DCC: variants seen among roughly 807,000 people sequenced by gnomAD.
DCC encodes netrin receptor DCC.
Under a neutral mutation model 172.5 loss-of-function variants are expected in DCC, and 58 were observed. That is an observed-to-expected ratio of 0.34 (90% confidence interval 0.27 to 0.42). The LOEUF is 0.42. Among genes scored for constraint, DCC ranks in the 10% least tolerant of loss-of-function variants. The pLI is 1.00. For synonymous variants in DCC, 709 were observed against 644.5 expected (o/e 1.10, Z -1.52); for missense variants, 1,740 against 1,791.0 (o/e 0.97, Z 0.51).
intron 5 of DCC, among the ~76,000 whole-genome samples, chr18:53,007,062 T>C (rs758313912): frequency 9.9e-5 from 15 of 152,084 alleles, no homozygotes; most frequent in African/African-American, 3.1e-4. Context: ...AAAAAACAAA[T>C]GAACAAACAA....
chr18:52,916,392 T>A (rs2040041429), intron 3 of DCC, among the ~76,000 whole-genome samples: 1 of 152,226 alleles, frequency 6.6e-6, no homozygotes, highest in African/African-American at 2.4e-5. Context: ...GTTAGAAATT[T>A]GCAAAACATG....
intron 27 of DCC, among the ~76,000 whole-genome samples, chr18:53,502,508 T>C (rs976446890): frequency 6.6e-6 from 1 of 152,220 alleles, no homozygotes; most frequent in Non-Finnish European, 1.5e-5. Flanking sequence ...ACTACATGCT[T>C]CTTAGACTTA....
intron 12 of DCC, among the ~76,000 whole-genome samples, chr18:53,304,600 A>G (rs547674341): frequency 7.8e-4 from 119 of 152,182 alleles, no homozygotes; most frequent in African/African-American, 2.7e-3. Flanking sequence ...AAAGCTACCA[A>G]CACCTCCAAG....
chr18:52,755,728 C>CA (rs1237681538), intron 2 of DCC, among the ~76,000 whole-genome samples: 3 of 151,954 alleles, frequency 2.0e-5, no homozygotes, highest in African/African-American at 7.3e-5. Flanking sequence ...AAAACAACAA[C>CA]AACAAAAAAA....
chr18:53,151,027 A>T (rs1568333156), intron 7 of DCC, among the ~76,000 whole-genome samples: 1 of 152,206 alleles, frequency 6.6e-6, no homozygotes, highest in Non-Finnish European at 1.5e-5. Context: ...AGGGGGTATG[A>T]CCAAGCTGGT....
chr18:52,588,682 A>G (rs142738912), intron 1 of DCC, among the ~76,000 whole-genome samples: 1,676 of 152,230 alleles, frequency 0.011, 29 homozygotes, highest in African/African-American at 0.038. Context: ...GTTTTGGGGG[A>G]GAAAAGATGC....
At chr18:53,036,690 T>C (rs969353922) in intron 5 of DCC, among the ~76,000 whole-genome samples, 3 of 152,052 alleles carry the variant, frequency 2.0e-5, no homozygotes, top group Non-Finnish European at 4.4e-5. Context: ...AGCTGAATGC[T>C]ATTCAATATG....
chr18:52,907,791 G>A (rs1310386129), intron 3 of DCC, among the ~76,000 whole-genome samples: 14 of 152,054 alleles, frequency 9.2e-5, no homozygotes, highest in Non-Finnish European at 1.8e-4. Flanking sequence ...CTAGGAATCC[G>A]GCAGTGGCAA....
intron 1 of DCC, among the ~76,000 whole-genome samples, chr18:52,442,818 C>T (rs187238788): frequency 1.3e-4 from 20 of 152,264 alleles, no homozygotes; most frequent in African/African-American, 4.6e-4. Context: ...AGAGCTCCGC[C>T]ATTACCTTGC....
chr18:52,427,823 C>CCTTTCTTT, intron 1 of DCC, among the ~76,000 whole-genome samples: 2 of 67,888 alleles, frequency 2.9e-5, no homozygotes, highest in East Asian at 2.4e-3. Flanking sequence ...TTTCTTCCTT[C>CCTTTCTTT]CTTCCTTCCT....
At chr18:53,074,548 C>A (rs1303627224) in intron 7 of DCC, among the ~76,000 whole-genome samples, 3 of 152,074 alleles carry the variant, frequency 2.0e-5, no homozygotes, top group South Asian at 2.1e-4. Flanking sequence ...TCTGATGGTA[C>A]ATTTATTCAA....
chr18:52,967,278 C>A (rs548845359), intron 5 of DCC, among the ~76,000 whole-genome samples: 29 of 152,254 alleles, frequency 1.9e-4, no homozygotes, highest in African/African-American at 6.7e-4. Context: ...TGGAGCAAAT[C>A]CAACCCAAAC....
At chr18:53,089,142 G>A (rs2042964970) in intron 7 of DCC, among the ~76,000 whole-genome samples, 1 of 152,136 alleles carries the variant, frequency 6.6e-6, no homozygotes, top group South Asian at 2.1e-4. Flanking sequence ...CTGGAGTGCA[G>A]TGGTGTGATC....
intron 1 of DCC, among the ~76,000 whole-genome samples, chr18:52,385,682 G>A (rs989526590): frequency 6.6e-6 from 1 of 151,922 alleles, no homozygotes; most frequent in Admixed American, 6.6e-5. Context: ...TATTTTTCAG[G>A]GAGGAATGTA....
At chr18:52,537,827 A>G (rs1203856975) in intron 1 of DCC, among the ~76,000 whole-genome samples, 1 of 152,038 alleles carries the variant, frequency 6.6e-6, no homozygotes, top group Non-Finnish European at 1.5e-5. Context: ...TGATGTCCCC[A>G]TGTTTTATAT....
intron 12 of DCC, among the ~76,000 whole-genome samples, chr18:53,243,208 G>T (rs1216130582): frequency 6.6e-6 from 1 of 152,108 alleles, no homozygotes; most frequent in African/African-American, 2.4e-5. Flanking sequence ...CTCATTAGGA[G>T]TGTGAAGACA....
chr18:52,565,502 G>A (rs1024456620), intron 1 of DCC, among the ~76,000 whole-genome samples: 17 of 152,142 alleles, frequency 1.1e-4, no homozygotes, highest in Non-Finnish European at 2.2e-4. Context: ...TCCAGCATCT[G>A]TTGTTTCCTG....
chr18:52,928,042 A>G (rs2040246722), intron 5 of DCC, among the ~76,000 whole-genome samples: 1 of 152,174 alleles, frequency 6.6e-6, no homozygotes, highest in Non-Finnish European at 1.5e-5. Flanking sequence ...TAGACTGAAT[A>G]AAGAAAATAT....
intron 1 of DCC, among the ~76,000 whole-genome samples, chr18:52,494,881 A>T (rs886563227): frequency 1.5e-4 from 23 of 152,020 alleles, no homozygotes; most frequent in Admixed American, 1.4e-3. Context: ...TAATTTTTTT[A>T]TTGAATTTAT....
Sources: allele counts gnomAD v4.1 joint callset (sites outside exome capture counted in the v4.1 genomes callset), GRCh38; gene constraint gnomAD v4.1.1; transcripts MANE v1.5; gene names NCBI Gene and HGNC (gene_info 2026-07-23, HGNC 2026-07-21).